The following DPYSL3 variants were observed in gnomAD, a reference collection of about 807,000 sequenced individuals.
DPYSL3 encodes dihydropyrimidinase-related protein 3.
DPYSL3 carries 16 observed loss-of-function variants against 66.1 expected under a neutral mutation model. The observed-to-expected ratio is 0.24, with a 90% CI of 0.16 to 0.37. The LOEUF (loss-of-function observed/expected upper bound fraction) is 0.37. Among genes scored for constraint, DPYSL3 ranks in the 10% least tolerant of loss-of-function variants. DPYSL3 has a pLI of 1.00. For missense variants in DPYSL3, 738 were observed against 916.2 expected, an observed-to-expected ratio of 0.81 and a Z score of 2.51; for synonymous variants, 338 against 345.1, an observed-to-expected ratio of 0.98 and a Z score of 0.23.
intron 1 of DPYSL3, among the ~76,000 whole-genome samples, chr5:147,494,456 C>T (rs920673524): frequency 6.6e-6 from 1 of 151,058 alleles, no homozygotes; most frequent in South Asian, 2.1e-4. Context: ...TCAAAAAGAT[C>T]AATAAAATAG....
At position 147,397,862 on chromosome 5, in the gene DPYSL3, G is replaced by A. The variant is rs1758041107; in HGVS notation, c.1624-17C>T. On this transcript the variant is annotated splice_polypyrimidine_tract_variant and intron_variant, in intron 11 of 13. Transcript: ENST00000343218. Reference sequence around the variant, plus strand: ...CTCTGCCGCCTAGAGGCAGGGGTGAGAAGCAAAGCCACAGTAAGGGTAGAG... The same window carrying A: ...CTCTGCCGCCTAGAGGCAGGGGTGAAAAGCAAAGCCACAGTAAGGGTAGAG... 2.5e-6 allele frequency: 4 copies of A among 1,582,940 alleles called. No homozygotes were observed. The highest frequency in any genetic ancestry group is 1.7e-5 in the Admixed American group (1 of 58,002).
At chr5:147,443,363 A>G (rs1256039046) in intron 1 of DPYSL3, among the ~76,000 whole-genome samples, 1 of 152,196 alleles carries the variant, frequency 6.6e-6, no homozygotes, top group East Asian at 1.9e-4. Flanking sequence ...CATCGTTCTC[A>G]GCAAGCTAAC....
At chr5:147,470,296 G>A (rs1466320028) in intron 1 of DPYSL3, among the ~76,000 whole-genome samples, 2 of 151,988 alleles carry the variant, frequency 1.3e-5, no homozygotes, top group African/African-American at 4.8e-5. Flanking sequence ...CTACTTTCTA[G>A]GGCACCTAGA....
rs116679689 is a variant in DPYSL3, at chr5:147,415,745, C to T, written c.784G>A (p.Val262Ile). 5.1e-4 allele frequency: 818 copies of T among 1,614,058 alleles called. 2 individuals carry two copies. The African/African-American group carries it at 7.8e-3, about 15-fold the overall frequency. Residue 262 changes from valine to isoleucine, a missense_variant, in exon 4 of 14, where the codon GTC becomes ATC. Physicochemically the swap from Val to Ile is conservative, Grantham distance 29 (BLOSUM62 3). Transcript: ENST00000343218. Reference protein sequence around the residue: ...HVDITHWNDSVKQEVQNLIKD... With the variant: ...HVDITHWNDSIKQEVQNLIKD... ...ATGAGGTTCTGCACTTCCTGCTTGACGCTGTCATTCCAGTGGGTGATGTCC... is the reference window on the plus strand; with the variant it reads ...ATGAGGTTCTGCACTTCCTGCTTGATGCTGTCATTCCAGTGGGTGATGTCC...
chr5:147,473,135 A>G (rs745978389), intron 1 of DPYSL3: 1 of 152,230 alleles, frequency 6.6e-6, no homozygotes, highest in Non-Finnish European at 1.5e-5. Context: ...CAACATGCCA[A>G]AACATGAAGC....
chr5:147,425,879 T>C (rs1265787752), intron 1 of DPYSL3, among the ~76,000 whole-genome samples: 1 of 152,148 alleles, frequency 6.6e-6, no homozygotes, highest in Non-Finnish European at 1.5e-5. Flanking sequence ...TTAAGCTTTG[T>C]TGGGTTCATG....
Position 147,509,482 on chromosome 5 carries a change from T to C in DPYSL3, c.377A>G (p.Asp126Gly). ...KEVLQNLGPKDKSDRLLIKGG... is the reference protein window; with the variant it reads ...KEVLQNLGPKGKSDRLLIKGG... The stretch of plus-strand genomic sequence containing the variant: ...AGTGACCCGGGGCCCCCTTACCTTG[T>C]CCTTGGGGCCGAGGTTCTGCAACAC... The change falls in exon 1 of 14, where the codon GAC (aspartate) becomes GGC (glycine). Residue 126 changes from aspartate (D) to glycine (G), a missense_variant. Transcript: ENST00000343218. The surrounding 1 kb of genome is among the most constrained non-coding windows in gnomAD (Gnocchi z 5.3). 3 of 1,519,284 alleles carry C rather than the reference T, an allele frequency of 2.0e-6. No individual in the cohort carries two copies. Among genetic ancestry groups the C allele is most frequent in the Non-Finnish European group, 2.6e-6 (3 of 1,138,166 alleles). The allele number at this position is 1,519,284 out of a possible 1,614,324, so 94.1% of individuals were successfully genotyped here. A position where few individuals can be genotyped will look rare whatever the true frequency, so the allele number is the denominator to read the frequency against.
chr5:147,399,944 A>G (rs747545788), intron 10 of DPYSL3, among the ~76,000 whole-genome samples: 1 of 152,220 alleles, frequency 6.6e-6, no homozygotes, highest in Non-Finnish European at 1.5e-5. Flanking sequence ...GAAAGAATTG[A>G]GTTTAAAACC....
chr5:147,458,218 G>A (rs1752880557), intron 1 of DPYSL3, among the ~76,000 whole-genome samples: 2 of 152,114 alleles, frequency 1.3e-5, no homozygotes, highest in Admixed American at 1.3e-4. Flanking sequence ...ACAAGATACA[G>A]GTCATAAAGA....
chr5:147,427,832 C>G (rs1021850593), intron 1 of DPYSL3, among the ~76,000 whole-genome samples: 2 of 152,064 alleles, frequency 1.3e-5, no homozygotes, highest in Admixed American at 1.3e-4. Context: ...GTAAGAGTAC[C>G]CTCCCTCTCA....
chr5:147,455,910 TTG>T (rs72112283), intron 1 of DPYSL3, among the ~76,000 whole-genome samples: 6,306 of 147,690 alleles, frequency 0.043, 376 homozygotes, highest in African/African-American at 0.13. Context: ...GATCACTTGA[TTG>T]TGTGTGTGTG....
chr5:147,394,496 T>C (rs1757912049), intron 13 of DPYSL3, among the ~76,000 whole-genome samples: 1 of 152,218 alleles, frequency 6.6e-6, no homozygotes, highest in African/African-American at 2.4e-5. Context: ...CCCTTATCTG[T>C]TTTACAGAGG....
At position 147,392,014 on chromosome 5, in the gene DPYSL3, G is replaced by A. The variant is rs1757823948; in HGVS notation, c.*2021C>T. On this transcript the variant is annotated 3_prime_UTR_variant, in exon 14 of 14. Coordinates refer to ENST00000343218, the MANE Select transcript of DPYSL3 (RefSeq NM_001197294.2). The stretch of plus-strand genomic sequence containing the variant: ...AGAGTGCAGAAGTGGACGCTCAGAA[G>A]CGAGTTTATGTGTGTCTTTTCCTCT... 1 of 152,240 alleles carries A rather than the reference G, an allele frequency of 6.6e-6. No homozygotes were observed. Among genetic ancestry groups the A allele is most frequent in the African/African-American group, 2.4e-5 (1 of 41,452 alleles). 9.4% of individuals were successfully genotyped at this position (152,240 alleles called of 1,614,324 possible).
At chr5:147,486,684 T>C (rs1325891781) in intron 1 of DPYSL3, among the ~76,000 whole-genome samples, 1 of 152,128 alleles carries the variant, frequency 6.6e-6, no homozygotes. Flanking sequence ...AAGAGACTCA[T>C]GGTGGACACT....
chr5:147,453,488 C>A (rs1341316871), intron 1 of DPYSL3: 4 of 1,501,110 alleles, frequency 2.7e-6, no homozygotes, highest in Admixed American at 2.1e-5. Flanking sequence ...GCCGACCCCG[C>A]CCGCAGCGCA....
At chr5:147,422,552 G>A (rs1229900836) in intron 2 of DPYSL3, among the ~76,000 whole-genome samples, 5 of 152,074 alleles carry the variant, frequency 3.3e-5, no homozygotes, top group African/African-American at 1.2e-4. Context: ...ACATGCACAC[G>A]TATGTTTATT....
intron 1 of DPYSL3, among the ~76,000 whole-genome samples, chr5:147,479,370 G>C (rs73794770): frequency 1.3e-5 from 2 of 152,164 alleles, no homozygotes; most frequent in African/African-American, 4.8e-5. Context: ...GCCTTTGGCT[G>C]TATATTCTAA....
intron 8 of DPYSL3, among the ~76,000 whole-genome samples, chr5:147,404,019 C>T (rs1758268663): frequency 6.6e-6 from 1 of 152,170 alleles, no homozygotes. Flanking sequence ...AGAATGCAGC[C>T]TCAGCAGAGG....
chr5:147,474,794 A>G (rs915501171), intron 1 of DPYSL3, among the ~76,000 whole-genome samples: 1 of 152,096 alleles, frequency 6.6e-6, no homozygotes, highest in African/African-American at 2.4e-5. Context: ...ATATAACAAT[A>G]CCATACAATT....
Sources: allele counts gnomAD v4.1 joint callset (sites outside exome capture counted in the v4.1 genomes callset), GRCh38; gene constraint gnomAD v4.1.1; non-coding constraint Gnocchi (gnomAD v3.1); transcripts MANE v1.5; gene names NCBI Gene and HGNC (gene_info 2026-07-23, HGNC 2026-07-21).